POLQ: variants seen among roughly 807,000 people sequenced by gnomAD.
The protein encoded by POLQ is DNA polymerase theta, also known as epididymis secretory sperm binding protein.
In POLQ, 233 loss-of-function variants were observed where a neutral mutation model predicts 259.2. The observed-to-expected ratio is 0.90, with a 90% confidence interval of 0.81 to 1.00. The LOEUF is 1.00. Ranked by LOEUF, POLQ falls within the 50% of genes least tolerant of loss-of-function variation. The probability of loss-of-function intolerance (pLI) is 0.00; values close to 1 mark genes in which losing one functional copy is unlikely to be tolerated. For missense variants in POLQ, 2,871 were observed against 3,051.6 expected, an observed-to-expected ratio of 0.94 and a Z score of 1.39; for synonymous variants, 1,025 against 1,048.8, an observed-to-expected ratio of 0.98 and a Z score of 0.44.
At chr3:121,435,665 G>C (rs569231086) in intron 28 of POLQ, among the ~76,000 whole-genome samples, 1 of 152,284 alleles carries the variant, frequency 6.6e-6, no homozygotes, top group African/African-American at 2.4e-5. Flanking sequence ...AGACTGTACA[G>C]AGTTTCCCAA....
intron 9 of POLQ, among the ~76,000 whole-genome samples, chr3:121,513,793 G>C (rs545202244): frequency 1.3e-5 from 2 of 151,804 alleles, no homozygotes; most frequent in Non-Finnish European, 2.9e-5. Flanking sequence ...GGAGGCCAAG[G>C]AGTGTGGCTC....
intron 19 of POLQ, among the ~76,000 whole-genome samples, chr3:121,477,409 T>C (rs1419763592): frequency 6.6e-6 from 1 of 152,172 alleles, no homozygotes; most frequent in Admixed American, 6.6e-5. Context: ...GAATTCTACA[T>C]TTAGACTTGG....
intron 12 of POLQ, among the ~76,000 whole-genome samples, 153 bp from the exon 13 acceptor site, chr3:121,498,823 C>T (rs1275762707): frequency 6.6e-6 from 1 of 152,148 alleles, no homozygotes; most frequent in Non-Finnish European, 1.5e-5. Context: ...ATTGCTTGAA[C>T]CCAAAAGTTT....
chr3:121,454,298 T>C (rs186941694), intron 25 of POLQ, among the ~76,000 whole-genome samples: 4 of 152,264 alleles, frequency 2.6e-5, no homozygotes, highest in Admixed American at 6.5e-5. Context: ...GTAAAGACCA[T>C]TGAGGCTAGG....
intron 26 of POLQ, 76 bp downstream of exon 26, chr3:121,449,239 A>G (rs895285818): frequency 1.8e-5 from 14 of 758,440 alleles, no homozygotes; most frequent in Non-Finnish European, 3.1e-5. Context: ...TTCAAAAGAA[A>G]ATTCCATTAC....
Position 121,544,874 on chromosome 3 carries a change from T to C in POLQ, c.196A>G (p.Arg66Gly). Residue 66 changes from arginine (R) to glycine (G), a missense_variant, in exon 2 of 30, where the codon AGA becomes GGA. Physicochemically the swap from Arg to Gly is moderately radical, Grantham distance 125. Coordinates refer to ENST00000264233, the MANE Select transcript of POLQ (RefSeq NM_199420.4). ...CAGTTTGCCAATAGTAGCTTGTCTC[T>C]TTCGTAGTCAGGAACTGTAGGCTTG... ...ECKPTVPDYE[R>G]DKLLLANWGL... The C allele has an allele frequency of 6.2e-7, 1 of 1,609,674 alleles. No individual in the cohort carries two copies. Among genetic ancestry groups the C allele is most frequent in the Non-Finnish European group, 8.5e-7 (1 of 1,176,466 alleles).
intron 13 of POLQ, among the ~76,000 whole-genome samples, chr3:121,497,840 T>C (rs1024317800): frequency 6.6e-6 from 1 of 152,230 alleles, no homozygotes; most frequent in Non-Finnish European, 1.5e-5. Context: ...CTTTTAAGTA[T>C]GATATAAAGC....
At chr3:121,506,527 G>A (rs1312523155) in intron 12 of POLQ, among the ~76,000 whole-genome samples, 2 of 151,928 alleles carry the variant, frequency 1.3e-5, no homozygotes, top group African/African-American at 2.4e-5. Flanking sequence ...TACTCATAAT[G>A]TAAAAAAATG....
chr3:121,523,184 AT>A (rs751930004), intron 7 of POLQ, among the ~76,000 whole-genome samples: 32 of 142,838 alleles, frequency 2.2e-4, no homozygotes, highest in African/African-American at 4.6e-4. Context: ...CCCAGCTAGC[AT>A]TTTTTTTTTT....
In POLQ at chr3:121,432,966, T is replaced by C. The variant is rs756534857; in HGVS notation, c.7611A>G (p.Gln2537=). Residue 2537 remains glutamine (Q), a synonymous_variant, in exon 29 of 30, where the codon CAA becomes CAG. Coordinates refer to ENST00000264233, the MANE Select transcript of POLQ (RefSeq NM_199420.4). The stretch of plus-strand genomic sequence containing the variant: ...CTTCATATAGGAGTTCATCATGGAG[T>C]TGAAGGATGAAGAAGCCTCCTCTGA... ...CPIRGGFFIL[Q]LHDELLYEVA... is the part of the protein sequence containing the mutation. The C allele has an allele frequency of 2.7e-5, 43 of 1,611,764 alleles. No individual in the cohort carries two copies. Among genetic ancestry groups the C allele is most frequent in the Non-Finnish European group, 2.7e-5 (32 of 1,178,134 alleles).
At position 121,539,515 on chromosome 3, in the gene POLQ, T is replaced by C. The variant is rs149264098; in HGVS notation, c.549A>G (p.Ser183=). Residue 183 remains serine, a synonymous_variant, in exon 4 of 30, where the codon TCA becomes TCG. Coordinates refer to ENST00000264233, the MANE Select transcript of POLQ (RefSeq NM_199420.4). ...CAATTGTGCAGACTGCAATATCCAA[T>C]GAAGAGAAATGCCTTGATGGAGAGG... ...GSTSPSRHFS[S]LDIAVCTIER... is the part of the protein sequence containing the mutation. The C allele has an allele frequency of 1.5e-4, 248 of 1,612,824 alleles. No individual in the cohort carries two copies. The African/African-American group carries it at 2.8e-3, about 18-fold the overall frequency.
intron 6 of POLQ, among the ~76,000 whole-genome samples, chr3:121,530,995 C>G (rs1365729416): frequency 6.6e-6 from 1 of 152,100 alleles, no homozygotes; most frequent in Non-Finnish European, 1.5e-5. Flanking sequence ...CGAGACCAGC[C>G]TGACCAACAT....
At chr3:121,443,185 T>G (rs2047607869) in intron 26 of POLQ, among the ~76,000 whole-genome samples, 1 of 152,162 alleles carries the variant, frequency 6.6e-6, no homozygotes, top group South Asian at 2.1e-4. Flanking sequence ...CTCCAAACTG[T>G]TCTCCACAGT....
At position 121,496,919 on chromosome 3, in the gene POLQ, G is replaced by A. The variant is rs751400487; in HGVS notation, c.2167C>T (p.Leu723Phe). 6.8e-6 allele frequency: 11 copies of A among 1,612,028 alleles called. No individual in the cohort carries two copies. In the Admixed American group the frequency reaches 1.8e-4, roughly 27 times the overall value. ...MAIHKRFFTS[L>F]VLLDLISEVP... ...TCACTGATTAAATCTAATAGCACAA[G>A]ACTGGTGAAAAACCTGGGAATAAAT... Residue 723 changes from leucine (L) to phenylalanine (F), a missense_variant, in exon 14 of 30, where the codon CTT (leucine) becomes TTT (phenylalanine). This residue lies in a region of POLQ where 783 missense variants were observed against 906.2 expected (regional missense o/e 0.86). Coordinates refer to ENST00000264233, the MANE Select transcript of POLQ (RefSeq NM_199420.4).
chr3:121,489,081 T>A lies in POLQ; in HGVS notation c.3850A>T (p.Asn1284Tyr), dbSNP rs937395701. The A allele has an allele frequency of 2.5e-6, 4 of 1,613,386 alleles. No individual in the cohort carries two copies. Among genetic ancestry groups the A allele is most frequent in the Non-Finnish European group, 2.5e-6 (3 of 1,179,458 alleles). Residue 1284 changes from asparagine (N) to tyrosine (Y), a missense_variant, in exon 16 of 30, where the codon AAT becomes TAT. Coordinates refer to ENST00000264233, the MANE Select transcript of POLQ (RefSeq NM_199420.4). Reference protein sequence around the residue: ...AFSKSEGQHENFLNISRLQEK... With the variant: ...AFSKSEGQHEYFLNISRLQEK... The stretch of plus-strand genomic sequence containing the variant: ...TGTAGTCTAGAAATATTTAGAAAAT[T>A]CTCATGCTGGCCTTCTGATTTGCTA...
chr3:121,487,966 A>C lies in POLQ; in HGVS notation c.4965T>G (p.Asn1655Lys). Reference protein sequence around the residue: ...ILDKVSSPLENEKLKSMTINF... With the variant: ...ILDKVSSPLEKEKLKSMTINF... ...TTATAGTCATTGATTTTAGCTTTTC[A>C]TTTTCTAGAGGACTGGATACTTTAT... Residue 1655 changes from asparagine to lysine, a missense_variant, in exon 16 of 30, where the codon AAT becomes AAG. Transcript: ENST00000264233. 3 of 1,605,414 alleles carry C rather than the reference A, an allele frequency of 1.9e-6. No homozygotes were observed. The highest frequency in any genetic ancestry group is 2.2e-5 in the South Asian group (2 of 89,022).
intron 12 of POLQ, among the ~76,000 whole-genome samples, chr3:121,503,401 T>C (rs1316080284): frequency 6.6e-6 from 1 of 152,200 alleles, no homozygotes; most frequent in Non-Finnish European, 1.5e-5. Flanking sequence ...CTAGAATATA[T>C]TCCCTTCATT....
chr3:121,446,456 C>T (rs7618570), intron 26 of POLQ, among the ~76,000 whole-genome samples: 97,412 of 151,988 alleles, frequency 0.64, 31,511 homozygotes, highest in East Asian at 0.89. Flanking sequence ...ATTTGGTCTA[C>T]AGTGCAGATT....
chr3:121,528,357 T>C (rs982210085), intron 7 of POLQ, among the ~76,000 whole-genome samples: 3 of 151,664 alleles, frequency 2.0e-5, no homozygotes, highest in South Asian at 2.1e-4. Context: ...TTTTTTTTTT[T>C]TTTGAGATGG....
Sources: gnomAD v4.1 joint callset for allele counts (sites outside exome capture counted in the v4.1 genomes callset) on GRCh38, gnomAD v4.1.1 for gene constraint, gnomAD v4.1.1 regional missense constraint, MANE v1.5 for transcripts, NCBI Gene and HGNC (gene_info 2026-07-23, HGNC 2026-07-21) for gene names.